Variants in VPS13A observed in about 807,000 individuals in gnomAD.
The protein encoded by VPS13A is vacuolar protein sorting 13 homolog A.
Under a neutral mutation model 390.9 loss-of-function variants are expected in VPS13A, and 264 were observed. The ratio of observed to expected loss-of-function variants is 0.68; its 90% CI spans 0.61 to 0.75. VPS13A has a LOEUF of 0.75. VPS13A is among the 30% of genes least tolerant of loss of function. The pLI is 0.00. For synonymous variants in VPS13A, 1,231 were observed against 1,227.1 expected (o/e 1.00, Z -0.07); for missense variants, 3,409 against 3,733.9 (o/e 0.91, Z 2.27).
intron 3 of VPS13A, 27 bp downstream of exon 3, chr9:77,201,434 C>T (rs1317808810): frequency 1.9e-6 from 3 of 1,579,916 alleles, no homozygotes; most frequent in South Asian, 1.1e-5. Flanking sequence ...ATTGGGATAT[C>T]CTCCTTCCTG....
intron 33 of VPS13A, among the ~76,000 whole-genome samples, chr9:77,300,566 C>T (rs1463165190): frequency 2.0e-5 from 3 of 152,100 alleles, no homozygotes; most frequent in Admixed American, 2.0e-4. Flanking sequence ...ACCCCATCTC[C>T]ACAAAAAATA....
At chr9:77,235,333 C>A (rs1392620951) in intron 17 of VPS13A, among the ~76,000 whole-genome samples, 1 of 152,120 alleles carries the variant, frequency 6.6e-6, no homozygotes, top group Non-Finnish European at 1.5e-5. Context: ...TCTTGGTTGA[C>A]ATTTTTTTTC....
At chr9:77,205,945 A>G (rs752162535) in intron 4 of VPS13A, 33 bp from the exon 5 acceptor site, 19 of 1,406,094 alleles carry the variant, frequency 1.4e-5, no homozygotes, top group Non-Finnish European at 1.8e-5. Flanking sequence ...AATTTAAGGT[A>G]GTTATGATTC....
intron 15 of VPS13A, among the ~76,000 whole-genome samples, chr9:77,226,999 T>C (rs1283196148): frequency 6.6e-6 from 1 of 152,168 alleles, no homozygotes; most frequent in Non-Finnish European, 1.5e-5. Flanking sequence ...CTATCACTTA[T>C]TAGCAGTGTG....
intron 57 of VPS13A, 29 bp from the exon 58 acceptor site, chr9:77,359,304 G>A: frequency 1.9e-6 from 3 of 1,594,842 alleles, no homozygotes; most frequent in Non-Finnish European, 2.6e-6. Context: ...AAAGCATCAT[G>A]GGAGTAATTA....
intron 68 of VPS13A, among the ~76,000 whole-genome samples, chr9:77,399,951 C>A (rs1303179264): frequency 2.0e-5 from 3 of 152,008 alleles, no homozygotes; most frequent in African/African-American, 7.3e-5. Flanking sequence ...ATACATCTCT[C>A]TATGTCAGTA....
chr9:77,309,345 T>G (rs144808376), intron 35 of VPS13A, among the ~76,000 whole-genome samples: 1,826 of 152,246 alleles, frequency 0.012, 49 homozygotes, highest in African/African-American at 0.041. Flanking sequence ...GTTCAGAAGG[T>G]CCAATTCCAG....
At chr9:77,390,640 T>G (rs914733311) in intron 68 of VPS13A, among the ~76,000 whole-genome samples, 1 of 36,146 alleles carries the variant, frequency 2.8e-5, no homozygotes, top group East Asian at 9.7e-4. Context: ...CCGCCACCCC[T>G]CCCCCCACCC....
intron 10 of VPS13A, among the ~76,000 whole-genome samples, chr9:77,215,888 C>T (rs1232768405): frequency 6.6e-6 from 1 of 152,194 alleles, no homozygotes; most frequent in African/African-American, 2.4e-5. Flanking sequence ...GAATGCACTC[C>T]AGTACAAAAC....
chr9:77,186,908 G>A (rs953302859), intron 1 of VPS13A, among the ~76,000 whole-genome samples: 4 of 152,096 alleles, frequency 2.6e-5, no homozygotes, highest in Non-Finnish European at 5.9e-5. Flanking sequence ...CGTCTTCCCA[G>A]ACCCCAGTAA....
chr9:77,295,445 T>G (rs1739346591), intron 32 of VPS13A, 97 bp from the exon 33 acceptor site: 1 of 1,039,160 alleles, frequency 9.6e-7, no homozygotes, highest in South Asian at 2.5e-5. Context: ...CAAGTAAAAG[T>G]TTTTTTTTAA....
chr9:77,364,634 C>T (rs1273294990), intron 59 of VPS13A, among the ~76,000 whole-genome samples: 1 of 152,164 alleles, frequency 6.6e-6, no homozygotes. Flanking sequence ...GAGTAGAATT[C>T]TGGCTCATTA....
chr9:77,231,630 A>C (rs1823835448), intron 17 of VPS13A, among the ~76,000 whole-genome samples: 1 of 151,994 alleles, frequency 6.6e-6, no homozygotes, highest in South Asian at 2.1e-4. Flanking sequence ...AGGTGTAAGA[A>C]TTCTTTTGTA....
chr9:77,382,154 T>C lies in VPS13A; in HGVS notation c.9189+67T>C. On this transcript the variant is annotated intron_variant, in intron 68 of 71. Transcript: ENST00000360280. ...AAGTTAGATTTTTTTTAAGTAGCCATTTAATATATATTAAATTATTTGGGC... is the reference window on the plus strand; with the variant it reads ...AAGTTAGATTTTTTTTAAGTAGCCACTTAATATATATTAAATTATTTGGGC... 1.5e-6 allele frequency: 2 copies of C among 1,378,180 alleles called. 1 individual carries two copies. Among genetic ancestry groups the C allele is most frequent in the South Asian group, 2.7e-5 (2 of 73,748 alleles). 85.4% of individuals were successfully genotyped at this position (1,378,180 alleles called of 1,614,324 possible). A position where few individuals can be genotyped will look rare whatever the true frequency, so the allele number is the denominator to read the frequency against.
chr9:77,199,469 A>G (rs551513535), intron 1 of VPS13A, among the ~76,000 whole-genome samples: 6 of 152,116 alleles, frequency 3.9e-5, no homozygotes, highest in Non-Finnish European at 5.9e-5. Context: ...CAATTGTCCT[A>G]TAGTTCTTAG....
In VPS13A at chr9:77,302,902, T is replaced by C. The variant is rs1455498907; in HGVS notation, c.3813-13T>C. On this transcript the variant is annotated splice_polypyrimidine_tract_variant and intron_variant, in intron 33 of 71. Transcript: ENST00000360280. Reference sequence around the variant, plus strand: ...TATGAAACAATTTAAAAGAATGTTATCTCTACTTATAGATCTCGATTTATT... The same window carrying C: ...TATGAAACAATTTAAAAGAATGTTACCTCTACTTATAGATCTCGATTTATT... 6.2e-7 allele frequency: 1 copy of C among 1,609,494 alleles called. No homozygotes were observed. The highest frequency in any genetic ancestry group is 1.3e-5 in the African/African-American group (1 of 74,954).
At chr9:77,401,329 T>TTGTGTGTGTGTG (rs4012461) in intron 68 of VPS13A, among the ~76,000 whole-genome samples, 519 of 140,506 alleles carry the variant, frequency 3.7e-3, no homozygotes, top group Non-Finnish European at 6.1e-3. Context: ...TCACATGAAG[T>TTGTGTGTGTGTG]TGTGTGTGTG....
At chr9:77,289,480 AT>A in intron 31 of VPS13A, among the ~76,000 whole-genome samples, 1 of 152,140 alleles carries the variant, frequency 6.6e-6, no homozygotes, top group East Asian at 1.9e-4. Context: ...CAATGTATAT[AT>A]CTTTAATCAT....
intron 70 of VPS13A, 130 bp from the exon 71 acceptor site, chr9:77,407,403 T>C (rs1370695052): frequency 1.5e-6 from 1 of 678,284 alleles, no homozygotes; most frequent in East Asian, 2.7e-5. Context: ...CTCATTCTTG[T>C]CTTTTTTAAG....
Sources: allele counts gnomAD v4.1 joint callset (sites outside exome capture counted in the v4.1 genomes callset), GRCh38; gene constraint gnomAD v4.1.1; transcripts MANE v1.5; gene names NCBI Gene and HGNC (gene_info 2026-07-23, HGNC 2026-07-21).